The following FSTL5 variants were observed in gnomAD, a reference collection of about 807,000 sequenced individuals.
FSTL5 encodes follistatin like 5, also known as follistatin-related protein 5.
FSTL5 carries 62 observed loss-of-function variants against 89.1 expected under a neutral mutation model. That is an observed-to-expected ratio of 0.70 (90% CI 0.57 to 0.86). The LOEUF is 0.86. Among genes scored for constraint, FSTL5 ranks in the 40% least tolerant of loss-of-function variants. The pLI, the probability that FSTL5 is intolerant of heterozygous loss-of-function variation, is 0.00. For synonymous variants in FSTL5, 383 were observed against 346.2 expected (o/e 1.11, Z -1.18); for missense variants, 1,057 against 1,001.6 (o/e 1.06, Z -0.75).
At chr4:162,075,628 T>C (rs745605205) in intron 2 of FSTL5, among the ~76,000 whole-genome samples, 8 of 151,908 alleles carry the variant, frequency 5.3e-5, no homozygotes, top group Non-Finnish European at 1.0e-4. Context: ...CACAGTTTCA[T>C]GGATACTGAT....
chr4:162,134,302 G>A (rs1732443816), intron 1 of FSTL5, among the ~76,000 whole-genome samples: 1 of 152,096 alleles, frequency 6.6e-6, no homozygotes, highest in South Asian at 2.1e-4. Context: ...TTGTCAGAGG[G>A]ACCTAGAGGT....
intron 1 of FSTL5, among the ~76,000 whole-genome samples, chr4:162,124,145 A>T (rs537996027): frequency 5.7e-4 from 87 of 152,338 alleles, no homozygotes; most frequent in African/African-American, 2.1e-3. Flanking sequence ...CATTGGTACT[A>T]GTATGATATC....
intron 4 of FSTL5, among the ~76,000 whole-genome samples, chr4:161,782,790 A>G (rs958177794): frequency 6.6e-6 from 1 of 152,212 alleles, no homozygotes; most frequent in Admixed American, 6.5e-5. Flanking sequence ...CTCCAAATCT[A>G]TCTAAGCAGT....
chr4:161,778,042 C>T (rs1045061608), intron 4 of FSTL5, among the ~76,000 whole-genome samples: 1 of 151,790 alleles, frequency 6.6e-6, no homozygotes, highest in Non-Finnish European at 1.5e-5. Flanking sequence ...TGCAGTGAGC[C>T]AATATTGCAC....
At chr4:161,468,939 T>A (rs1733839094) in intron 13 of FSTL5, among the ~76,000 whole-genome samples, 1 of 152,296 alleles carries the variant, frequency 6.6e-6, no homozygotes, top group Non-Finnish European at 1.5e-5. Flanking sequence ...AAATTTGACA[T>A]GAAATTTACC....
intron 15 of FSTL5, among the ~76,000 whole-genome samples, chr4:161,418,687 T>A (rs1560885606): frequency 6.6e-6 from 1 of 152,190 alleles, no homozygotes; most frequent in Non-Finnish European, 1.5e-5. Flanking sequence ...TTGTCTATGG[T>A]AAAACTGGGT....
At chr4:162,093,891 T>C (rs913724869) in intron 2 of FSTL5, among the ~76,000 whole-genome samples, 4 of 152,158 alleles carry the variant, frequency 2.6e-5, no homozygotes, top group African/African-American at 9.6e-5. Context: ...ATTTTTTCAC[T>C]TGGATTATAA....
intron 8 of FSTL5, among the ~76,000 whole-genome samples, chr4:161,582,716 A>T (rs939337534): frequency 6.6e-6 from 1 of 152,200 alleles, no homozygotes; most frequent in African/African-American, 2.4e-5. Context: ...AACTTTGCAA[A>T]TAAGGTGGCT....
At chr4:161,432,897 G>A (rs755488709) in intron 15 of FSTL5, among the ~76,000 whole-genome samples, 12 of 151,820 alleles carry the variant, frequency 7.9e-5, no homozygotes, top group Non-Finnish European at 1.3e-4. Context: ...ATTCAAACCT[G>A]AACATACTAA....
chr4:161,952,014 A>C (rs1384525864), intron 3 of FSTL5, among the ~76,000 whole-genome samples: 1 of 152,064 alleles, frequency 6.6e-6, no homozygotes, highest in Admixed American at 6.6e-5. Context: ...GTCTTTACTC[A>C]GTGATGGTAA....
At chr4:161,958,620 G>A (rs1485358185) in intron 3 of FSTL5, among the ~76,000 whole-genome samples, 1 of 152,076 alleles carries the variant, frequency 6.6e-6, no homozygotes, top group African/African-American at 2.4e-5. Flanking sequence ...TTTGCTTCTT[G>A]AATTATGAAG....
chr4:162,008,343 T>G (rs1428091540), intron 3 of FSTL5, among the ~76,000 whole-genome samples: 2 of 151,864 alleles, frequency 1.3e-5, no homozygotes, highest in African/African-American at 4.8e-5. Context: ...TAGAAGATGT[T>G]AGGAGCCAAT....
intron 2 of FSTL5, among the ~76,000 whole-genome samples, chr4:162,088,630 AAG>A (rs1222837786): frequency 6.6e-6 from 1 of 152,166 alleles, no homozygotes; most frequent in African/African-American, 2.4e-5. Flanking sequence ...TTAGCTACTT[AAG>A]AGAGAAGGAA....
At chr4:162,066,311 C>CTTCTTCT (rs1553996280) in intron 2 of FSTL5, among the ~76,000 whole-genome samples, 2,036 of 39,274 alleles carry the variant, frequency 0.052, 22 homozygotes, top group Non-Finnish European at 0.068. Context: ...TCTTCTTCTT[C>CTTCTTCT]TTCTTCTTCT....
intron 6 of FSTL5, among the ~76,000 whole-genome samples, chr4:161,711,331 C>T (rs1194702572): frequency 6.6e-6 from 1 of 151,926 alleles, no homozygotes; most frequent in East Asian, 1.9e-4. Flanking sequence ...AGTGACACCA[C>T]TAACAACCTT....
At chr4:161,484,665 G>A (rs1455490766) in intron 12 of FSTL5, among the ~76,000 whole-genome samples, 2 of 152,020 alleles carry the variant, frequency 1.3e-5, no homozygotes, top group African/African-American at 4.8e-5. Context: ...ATATTTTCAA[G>A]GTCACCAGTG....
intron 8 of FSTL5, among the ~76,000 whole-genome samples, chr4:161,567,131 G>A (rs1433939368): frequency 6.6e-6 from 1 of 151,974 alleles, no homozygotes; most frequent in Non-Finnish European, 1.5e-5. Context: ...TTGAACTTTA[G>A]AAATGTCATT....
In FSTL5 at chr4:162,041,202, TAAAAAAAAAAAAA is replaced by T. The variant is rs5863513; in HGVS notation, c.127-7557_127-7545del. 9.2e-5 allele frequency among the ~76,000 whole-genome samples: 9 copies of T among 97,778 alleles called. No homozygotes were observed. In the East Asian group the frequency reaches 1.5e-3, roughly 17 times the overall value. The allele number at this position is 97,778 out of a possible 152,430, so 64.1% of individuals were successfully genotyped here. A position where few individuals can be genotyped will look rare whatever the true frequency, so the allele number is the denominator to read the frequency against. On this transcript the variant is annotated intron_variant, in intron 2 of 15. Transcript: ENST00000306100. ...GAATTTATAGAGAAAGATGAGATGGTAAAAAAAAAAAAAAAAAAAAAAAGGAGTTTATCTCCAT... is the reference window on the plus strand; with the variant it reads ...GAATTTATAGAGAAAGATGAGATGGTAAAAAAAAAAGGAGTTTATCTCCAT...
chr4:161,422,919 A>C (rs1321437275), intron 15 of FSTL5, among the ~76,000 whole-genome samples: 1 of 152,322 alleles, frequency 6.6e-6, no homozygotes, highest in Admixed American at 6.5e-5. Context: ...TTTATATTAC[A>C]CTTATTACCT....
Sources: allele counts gnomAD v4.1 joint callset (sites outside exome capture counted in the v4.1 genomes callset), GRCh38; gene constraint gnomAD v4.1.1; transcripts MANE v1.5; gene names NCBI Gene and HGNC (gene_info 2026-07-23, HGNC 2026-07-21).